Variants in SLC24A2 observed in about 807,000 individuals in gnomAD.
SLC24A2 encodes solute carrier family 24 member 2.
In SLC24A2, 36 loss-of-function variants were observed where a neutral mutation model predicts 62.0. The ratio of observed to expected loss-of-function variants is 0.58; its 90% CI spans 0.44 to 0.77. The LOEUF (loss-of-function observed/expected upper bound fraction) is 0.77. Ranked by LOEUF, SLC24A2 falls within the 30% of genes least tolerant of loss-of-function variation. SLC24A2 has a pLI of 0.00. For missense variants in SLC24A2, 846 were observed against 817.9 expected, an observed-to-expected ratio of 1.03 and a Z score of -0.42; for synonymous variants, 358 against 294.0, an observed-to-expected ratio of 1.22 and a Z score of -2.23.
chr9:19,769,484 A>G (rs1379035192), intron 2 of SLC24A2, among the ~76,000 whole-genome samples: 1 of 152,180 alleles, frequency 6.6e-6, no homozygotes, highest in East Asian at 1.9e-4. Flanking sequence ...CTTTGTCAGT[A>G]TTTCTTTGGG....
intron 4 of SLC24A2, among the ~76,000 whole-genome samples, chr9:19,618,064 T>C (rs965597044): frequency 4.6e-5 from 7 of 152,222 alleles, no homozygotes; most frequent in Non-Finnish European, 2.9e-5. Flanking sequence ...GAAGCATTAT[T>C]GTGAAGCATA....
the SLC24A2 span, among the ~76,000 whole-genome samples, chr9:19,962,195 G>A: frequency 1.3e-5 from 2 of 152,100 alleles, no homozygotes; most frequent in Non-Finnish European, 2.9e-5. Flanking sequence ...ACTTTAAGGA[G>A]TTGCTCTGTT....
At chr9:19,921,532 A>AAT in the SLC24A2 span, among the ~76,000 whole-genome samples, 1 of 151,592 alleles carries the variant, frequency 6.6e-6, no homozygotes, top group South Asian at 2.1e-4. Flanking sequence ...AAAAAAAAAA[A>AAT]AAAAAAATTT....
chr9:20,060,417 A>G, the SLC24A2 span, among the ~76,000 whole-genome samples: 6 of 152,172 alleles, frequency 3.9e-5, no homozygotes, highest in Non-Finnish European at 5.9e-5. Flanking sequence ...TTAGCAAACC[A>G]AATTCAGAAA....
the SLC24A2 span, among the ~76,000 whole-genome samples, chr9:19,819,414 C>G: frequency 6.6e-6 from 1 of 152,140 alleles, no homozygotes; most frequent in Admixed American, 6.5e-5. Flanking sequence ...AACAGACAAC[C>G]CACAGAGTGG....
At chr9:19,954,739 C>T in the SLC24A2 span, among the ~76,000 whole-genome samples, 1 of 152,104 alleles carries the variant, frequency 6.6e-6, no homozygotes, top group Non-Finnish European at 1.5e-5. Context: ...TGAGGAACAT[C>T]TTTCAGTGAG....
At chr9:19,985,281 C>T in the SLC24A2 span, among the ~76,000 whole-genome samples, 1 of 152,042 alleles carries the variant, frequency 6.6e-6, no homozygotes, top group Non-Finnish European at 1.5e-5. Flanking sequence ...ATAAAAAGGC[C>T]TATTATGAAA....
intron 7 of SLC24A2, among the ~76,000 whole-genome samples, chr9:19,557,059 G>A (rs781451190): frequency 6.6e-6 from 1 of 152,134 alleles, no homozygotes; most frequent in South Asian, 2.1e-4. Flanking sequence ...TTGATGGGTA[G>A]GGAACCTGAG....
the SLC24A2 span, among the ~76,000 whole-genome samples, chr9:19,818,679 T>C: frequency 6.6e-6 from 1 of 152,088 alleles, no homozygotes; most frequent in South Asian, 2.1e-4. Context: ...TACAAAACAC[T>C]GCTGAAGGAA....
chr9:19,552,378 C>G (rs748072267), intron 7 of SLC24A2, among the ~76,000 whole-genome samples: 1 of 152,182 alleles, frequency 6.6e-6, no homozygotes, highest in Non-Finnish European at 1.5e-5. Context: ...CCTGTCTGTT[C>G]CCTCCCAGAT....
chr9:19,774,962 T>C (rs1331463230), intron 2 of SLC24A2, among the ~76,000 whole-genome samples: 2 of 152,224 alleles, frequency 1.3e-5, no homozygotes, highest in East Asian at 1.9e-4. Context: ...GAGCTGGCAG[T>C]ATCTTGGAGA....
At position 19,517,957 on chromosome 9, in the gene SLC24A2, ACT is replaced by A. The variant is rs71335435; in HGVS notation, c.1737-1557_1737-1556del. Among the ~76,000 whole-genome samples the A allele has an allele frequency of 9.6e-3, 1,304 of 135,554 alleles. 36 individuals are homozygous for A. The highest frequency in any genetic ancestry group is 0.046 in the Admixed American group (628 of 13,544). 88.9% of individuals were successfully genotyped at this position (135,554 alleles called of 152,430 possible). ...CACACACACACACACACACACACAC[ACT>A]CTCACACTTCTAGTGAAGTTGAGTT... On this transcript the variant is annotated intron_variant, in intron 10 of 10. Coordinates refer to ENST00000341998, the MANE Select transcript of SLC24A2 (RefSeq NM_020344.4).
chr9:19,993,792 T>C, the SLC24A2 span, among the ~76,000 whole-genome samples: 1 of 152,178 alleles, frequency 6.6e-6, no homozygotes, highest in African/African-American at 2.4e-5. Context: ...TCGAGAATAT[T>C]ACCATTAAAT....
chr9:20,191,887 A>G, the SLC24A2 span, among the ~76,000 whole-genome samples: 1 of 152,172 alleles, frequency 6.6e-6, no homozygotes, highest in Non-Finnish European at 1.5e-5. Flanking sequence ...GAGGGTACAC[A>G]CATGTTTATG....
intron 4 of SLC24A2, among the ~76,000 whole-genome samples, chr9:19,605,229 T>TA (rs1296150985): frequency 6.6e-6 from 1 of 152,190 alleles, no homozygotes; most frequent in Non-Finnish European, 1.5e-5. Context: ...TCACCAGAAT[T>TA]AAAAAATTAA....
intron 4 of SLC24A2, among the ~76,000 whole-genome samples, chr9:19,613,148 C>T (rs1371766922): frequency 1.3e-5 from 2 of 152,182 alleles, no homozygotes; most frequent in African/African-American, 4.8e-5. Flanking sequence ...ATAGTAGACC[C>T]TCACTTTTTA....
At chr9:20,196,489 G>A in the SLC24A2 span, among the ~76,000 whole-genome samples, 2 of 152,056 alleles carry the variant, frequency 1.3e-5, no homozygotes, top group African/African-American at 4.8e-5. Flanking sequence ...AAAAATCAGT[G>A]GATTCCACTT....
At chr9:20,248,669 T>C in the SLC24A2 span, among the ~76,000 whole-genome samples, 3 of 152,216 alleles carry the variant, frequency 2.0e-5, no homozygotes, top group South Asian at 2.1e-4. Context: ...CCATATGAAT[T>C]TGGGGGGCCA....
intron 8 of SLC24A2, among the ~76,000 whole-genome samples, chr9:19,536,387 T>C (rs1432162093): frequency 2.6e-5 from 3 of 115,636 alleles, no homozygotes; most frequent in Non-Finnish European, 5.1e-5. Context: ...GAGTGTGATA[T>C]TCCCCTTCCT....
Sources: allele counts gnomAD v4.1 joint callset (sites outside exome capture counted in the v4.1 genomes callset), GRCh38; gene constraint gnomAD v4.1.1; transcripts MANE v1.5; gene names NCBI Gene and HGNC (gene_info 2026-07-23, HGNC 2026-07-21).